TRIT1: variants seen among roughly 807,000 people sequenced by gnomAD.
The protein encoded by TRIT1 is tRNA dimethylallyltransferase.
A neutral mutation model predicts 51.2 loss-of-function variants in TRIT1; 43 were observed. The observed-to-expected ratio is 0.84, with a 90% CI of 0.66 to 1.08. The LOEUF (loss-of-function observed/expected upper bound fraction) is 1.08. TRIT1 is among the 50% of genes least tolerant of loss of function. The pLI, the probability that TRIT1 is intolerant of heterozygous loss-of-function variation, is 0.00. For synonymous variants in TRIT1, 184 were observed against 203.9 expected (o/e 0.90, Z 0.83); for missense variants, 528 against 578.4 (o/e 0.91, Z 0.89).
intron 1 of TRIT1, among the ~76,000 whole-genome samples, chr1:39,859,582 CAAA>C (rs757122180): frequency 8.5e-6 from 1 of 117,450 alleles, no homozygotes. Context: ...GACTTTGTCT[CAAA>C]AAAAAAAAAG....
intron 1 of TRIT1, among the ~76,000 whole-genome samples, chr1:39,868,785 C>T (rs996514255): frequency 1.2e-4 from 19 of 152,170 alleles, no homozygotes; most frequent in African/African-American, 3.6e-4. Flanking sequence ...ACTGGCTGGG[C>T]GTGGTGGCTC....
At chr1:39,842,825 G>A (rs1406722080) in intron 10 of TRIT1, among the ~76,000 whole-genome samples, 1 of 152,196 alleles carries the variant, frequency 6.6e-6, no homozygotes, top group Admixed American at 6.5e-5. Flanking sequence ...TAAGAGAAAA[G>A]TTTACTTGGG....
At chr1:39,847,453 G>C in intron 7 of TRIT1, 95 bp downstream of exon 7, 3 of 1,472,564 alleles carry the variant, frequency 2.0e-6, no homozygotes, top group South Asian at 2.3e-5. Flanking sequence ...GGCTATTTGG[G>C]ACGCTTTAAG....
chr1:39,867,377 TC>T (rs1196963976), intron 1 of TRIT1, among the ~76,000 whole-genome samples: 2 of 152,158 alleles, frequency 1.3e-5, no homozygotes, highest in African/African-American at 4.8e-5. Context: ...ACTCCCAACC[TC>T]AGGTGATCCG....
chr1:39,878,418 G>A (rs1644138655), intron 1 of TRIT1, among the ~76,000 whole-genome samples: 1 of 152,176 alleles, frequency 6.6e-6, no homozygotes, highest in African/African-American at 2.4e-5. Context: ...GGTTGACCTT[G>A]GGTAGGTGTT....
chr1:39,852,937 C>T (rs1175772832), intron 3 of TRIT1, 61 bp from the exon 4 acceptor site: 2 of 1,557,002 alleles, frequency 1.3e-6, no homozygotes, highest in African/African-American at 2.7e-5. Context: ...GTGTATGTGC[C>T]AGGCACTTTG....
chr1:39,860,521 A>C (rs2124631749), intron 1 of TRIT1, among the ~76,000 whole-genome samples: 1 of 152,310 alleles, frequency 6.6e-6, no homozygotes, highest in Admixed American at 6.5e-5. Context: ...AATCAGAAAA[A>C]ACTAGGAAAC....
In TRIT1 at chr1:39,840,004, C is replaced by T. The variant is rs1652498708; in HGVS notation, c.*1740G>A. ...CTTAATAGCTTGAGTCTACCAGCCTCACCTCAATTCCAGCTCTACCGCTTG... is the reference window on the plus strand; with the variant it reads ...CTTAATAGCTTGAGTCTACCAGCCTTACCTCAATTCCAGCTCTACCGCTTG... On this transcript the variant is annotated 3_prime_UTR_variant, in exon 11 of 11. Coordinates refer to ENST00000316891, the MANE Select transcript of TRIT1 (RefSeq NM_017646.6). Among the ~76,000 whole-genome samples, 1 of 152,220 alleles carries T rather than the reference C, an allele frequency of 6.6e-6. No individual in the cohort carries two copies. The highest frequency in any genetic ancestry group is 1.5e-5 in the Non-Finnish European group (1 of 68,042).
At chr1:39,870,045 C>T (rs1322462499) in intron 1 of TRIT1, among the ~76,000 whole-genome samples, 1 of 152,174 alleles carries the variant, frequency 6.6e-6, no homozygotes, top group Non-Finnish European at 1.5e-5. Context: ...GCCATGATGA[C>T]GATGGCGGTT....
At chr1:39,867,725 C>T (rs1643631470) in intron 1 of TRIT1, among the ~76,000 whole-genome samples, 1 of 152,164 alleles carries the variant, frequency 6.6e-6, no homozygotes. Flanking sequence ...CGAGAATACT[C>T]AGGCTCCCCT....
chr1:39,848,110 T>C lies in TRIT1; in HGVS notation c.704-13A>G. The C allele has an allele frequency of 6.2e-7, 1 of 1,609,758 alleles. No individual in the cohort carries two copies. Among genetic ancestry groups the C allele is most frequent in the Non-Finnish European group, 8.5e-7 (1 of 1,176,064 alleles). On this transcript the variant is annotated splice_polypyrimidine_tract_variant and intron_variant, in intron 5 of 10. Transcript: ENST00000316891. ...CGCTCATCTAGAACTTGAATCAAAT[T>C]AGCCCATCAACCAGCAAGCAAGTTG... is the stretch of plus-strand genomic sequence containing the variant.
rs575935794 is a variant in TRIT1 at position 39,848,249 on chromosome 1, G to A, written c.704-152C>T. ...CAAAGATTATTATAATAATTCATAC[G>A]TTACTCACATTTAAGACTTTGCAAC... is the stretch of plus-strand genomic sequence containing the variant. On this transcript the variant is annotated intron_variant, in intron 5 of 10. Coordinates refer to ENST00000316891, the MANE Select transcript of TRIT1 (RefSeq NM_017646.6). 3.8e-5 allele frequency: 24 copies of A among 623,846 alleles called. 2 individuals carry two copies. The South Asian group carries it at 4.0e-4, about 10-fold the overall frequency. The allele number at this position is 623,846 out of a possible 1,614,324, so 38.6% of individuals were successfully genotyped here. A position where few individuals can be genotyped will look rare whatever the true frequency, so the allele number is the denominator to read the frequency against.
At chr1:39,854,179 G>A in intron 2 of TRIT1, 111 bp from the exon 3 acceptor site, 2 of 773,900 alleles carry the variant, frequency 2.6e-6, no homozygotes, top group Admixed American at 2.9e-5. Flanking sequence ...GAGAAAGGGT[G>A]GGAACCAAAA....
chr1:39,847,525 A>G, intron 7 of TRIT1, 23 bp downstream of exon 7: 1 of 1,611,246 alleles, frequency 6.2e-7, no homozygotes, highest in African/African-American at 1.3e-5. Flanking sequence ...GTCCAAGACT[A>G]GATTAGATGG....
At position 39,857,340 on chromosome 1, in the gene TRIT1, G is replaced by C. The variant is rs778839213; in HGVS notation, c.252C>G (p.Ser84Arg). ...AATTGGTCACAAGAGGATCCACAAA[G>C]CTGATCATGTGGTGCCGGCAGATTC... Reference protein sequence around the residue: ...EQRICRHHMISFVDPLVTNYT... With the variant: ...EQRICRHHMIRFVDPLVTNYT... Residue 84 changes from serine to arginine, a missense_variant, in exon 2 of 11, where the codon AGC becomes AGG. By Grantham distance (110) the Ser-to-Arg change is moderately radical. This residue lies in a region of TRIT1 where 468 missense variants were observed against 522.6 expected (regional missense o/e 0.90). Coordinates refer to ENST00000316891, the MANE Select transcript of TRIT1 (RefSeq NM_017646.6). 1.2e-6 allele frequency: 2 copies of C among 1,614,130 alleles called. No homozygotes were observed. Among genetic ancestry groups the C allele is most frequent in the Non-Finnish European group, 1.7e-6 (2 of 1,180,002 alleles).
chr1:39,874,668 T>C (rs1246857247), intron 1 of TRIT1, among the ~76,000 whole-genome samples: 4 of 151,930 alleles, frequency 2.6e-5, no homozygotes, highest in Non-Finnish European at 5.9e-5. Context: ...TCATTTTTCT[T>C]TTCTTTTTTT....
chr1:39,842,041 T>C, intron 10 of TRIT1, 128 bp from the exon 11 acceptor site: 1 of 1,057,518 alleles, frequency 9.5e-7, no homozygotes, highest in South Asian at 1.7e-5. Context: ...GATCAACACA[T>C]GTACTAGTAT....
intron 3 of TRIT1, among the ~76,000 whole-genome samples, chr1:39,853,458 G>A (rs556357021): frequency 3.9e-4 from 59 of 151,702 alleles, no homozygotes; most frequent in Non-Finnish European, 6.0e-4. Flanking sequence ...GTACAGTGGC[G>A]CAATCTCAGC....
At chr1:39,866,257 C>A (rs1023517740) in intron 1 of TRIT1, among the ~76,000 whole-genome samples, 2 of 152,090 alleles carry the variant, frequency 1.3e-5, no homozygotes, top group African/African-American at 4.8e-5. Context: ...ACTGCAACCT[C>A]CCCCTCCCAG....
Sources: gnomAD v4.1 joint callset for allele counts (sites outside exome capture counted in the v4.1 genomes callset) on GRCh38, gnomAD v4.1.1 for gene constraint, gnomAD v4.1.1 regional missense constraint, MANE v1.5 for transcripts, NCBI Gene and HGNC (gene_info 2026-07-23, HGNC 2026-07-21) for gene names.